Variants in CNBD1 observed in about 807,000 individuals in gnomAD.
CNBD1 encodes cyclic nucleotide binding domain containing 1, also known as cyclic nucleotide-binding domain-containing protein 1.
In CNBD1, 71 loss-of-function variants were observed where a neutral mutation model predicts 54.4. The observed-to-expected ratio is 1.30, with a 90% CI of 1.08 to 1.59. CNBD1 has a LOEUF of 1.59. Among genes scored for constraint, CNBD1 ranks in the 40% most tolerant of loss-of-function variants. CNBD1 has a pLI of 0.00. For synonymous variants in CNBD1, 182 were observed against 170.7 expected (o/e 1.07, Z -0.51); for missense variants, 659 against 518.0 (o/e 1.27, Z -2.64).
intron 4 of CNBD1, among the ~76,000 whole-genome samples, chr8:87,204,830 T>C (rs1813935867): frequency 6.6e-6 from 1 of 152,194 alleles, no homozygotes; most frequent in Non-Finnish European, 1.5e-5. Flanking sequence ...TTGGTTATGA[T>C]ATCATGCCAT....
Position 87,349,909 on chromosome 8 carries a change from G to A in CNBD1, c.1043-1776G>A, listed in dbSNP as rs1050015040. ...TTCAACACAAAGAAAAATTCCTGTGGCCTTATTCCTCTTTGTTGTTATATA... is the reference window on the plus strand; with the variant it reads ...TTCAACACAAAGAAAAATTCCTGTGACCTTATTCCTCTTTGTTGTTATATA... On this transcript the variant is annotated intron_variant, in intron 8 of 10. Coordinates refer to ENST00000518476, the MANE Select transcript of CNBD1 (RefSeq NM_173538.3). Among the ~76,000 whole-genome samples the A allele has an allele frequency of 1.2e-4, 19 of 152,066 alleles. No individual in the cohort carries two copies. The East Asian group carries it at 1.5e-3, about 12-fold the overall frequency.
In CNBD1 at chr8:87,422,923, G is replaced by T. The variant is rs868527123; in HGVS notation, c.214-5623G>T. Among the ~76,000 whole-genome samples, 48 of 151,320 alleles carry T rather than the reference G, an allele frequency of 3.2e-4. No individual in the cohort carries two copies. In the East Asian group the frequency reaches 8.3e-3, roughly 26 times the overall value. On this transcript the variant is annotated intron_variant, in intron 2 of 7. Coordinates refer to the CNBD1 transcript ENST00000521593. ...ACCCATGAGCATGGAATGTTCTTCC[G>T]TTTGTTTGTATCCTCTTTTATTTCC...
intron 4 of CNBD1, among the ~76,000 whole-genome samples, chr8:86,957,360 G>T (rs1028539037): frequency 1.7e-4 from 26 of 152,262 alleles, no homozygotes; most frequent in African/African-American, 6.0e-4. Flanking sequence ...AGTTAGGGAG[G>T]ATTCCCTCTT....
chr8:87,149,359 G>A (rs72665043), intron 4 of CNBD1, among the ~76,000 whole-genome samples: 2 of 151,904 alleles, frequency 1.3e-5, no homozygotes, highest in Non-Finnish European at 2.9e-5. Context: ...CATTTTTTTC[G>A]AGATGAAGGG....
chr8:87,169,920 AT>A (rs936347668), intron 4 of CNBD1, among the ~76,000 whole-genome samples: 6 of 152,072 alleles, frequency 3.9e-5, no homozygotes, highest in Admixed American at 3.3e-4. Context: ...AAATTTAAGA[AT>A]TGTTTTTCCT....
At chr8:87,204,290 T>A (rs1293323111) in intron 4 of CNBD1, among the ~76,000 whole-genome samples, 1 of 152,230 alleles carries the variant, frequency 6.6e-6, no homozygotes, top group Non-Finnish European at 1.5e-5. Flanking sequence ...TTAAGTTGTT[T>A]CTAATTTCTG....
chr8:87,223,412 T>C (rs865952950), intron 5 of CNBD1, among the ~76,000 whole-genome samples: 3 of 127,526 alleles, frequency 2.4e-5, no homozygotes, highest in Non-Finnish European at 3.3e-5. Context: ...CCACAACAGT[T>C]CCCAGAGTGT....
intron 6 of CNBD1, among the ~76,000 whole-genome samples, chr8:87,243,033 T>C (rs946718327): frequency 1.3e-5 from 2 of 152,196 alleles, no homozygotes; most frequent in South Asian, 2.1e-4. Context: ...TTTGAACAAA[T>C]TAATCACTAA....
intron 5 of CNBD1, among the ~76,000 whole-genome samples, chr8:87,215,616 G>C (rs1814193654): frequency 6.6e-6 from 1 of 150,920 alleles, no homozygotes; most frequent in Non-Finnish European, 1.5e-5. Context: ...AGTTTCTTTT[G>C]GGAATGATAA....
chr8:87,392,070 T>C (rs1437578017), intron 2 of CNBD1, among the ~76,000 whole-genome samples: 1 of 152,082 alleles, frequency 6.6e-6, no homozygotes, highest in African/African-American at 2.4e-5. Flanking sequence ...CTTTCACTAG[T>C]TATTAGGAAG....
At chr8:86,943,332 A>G (rs1455620272) in intron 4 of CNBD1, among the ~76,000 whole-genome samples, 1 of 139,104 alleles carries the variant, frequency 7.2e-6, no homozygotes, top group Non-Finnish European at 1.5e-5. Flanking sequence ...GGGCCACTGC[A>G]CTCCAGCCTG....
intron 6 of CNBD1, among the ~76,000 whole-genome samples, chr8:87,271,666 A>G (rs1229586021): frequency 1.3e-5 from 2 of 152,024 alleles, no homozygotes; most frequent in African/African-American, 4.8e-5. Flanking sequence ...GAGAATGTAA[A>G]TTAGTATAGC....
At position 87,001,419 on chromosome 8, in the gene CNBD1, C is replaced by G. The variant is rs1479355763; in HGVS notation, c.431+61665C>G. On this transcript the variant is annotated intron_variant, in intron 4 of 10. Transcript: ENST00000518476. The stretch of plus-strand genomic sequence containing the variant: ...GGAAGAGGATATGTGCCTCTACACT[C>G]TCTAGATAAGTTACTGTTTCTTTTC... Among the ~76,000 whole-genome samples, 3 of 152,074 alleles carry G rather than the reference C, an allele frequency of 2.0e-5. No homozygotes were observed. In the East Asian group the frequency reaches 5.8e-4, roughly 29 times the overall value.
intron 10 of CNBD1, among the ~76,000 whole-genome samples, chr8:87,361,610 A>T (rs546828515): frequency 6.6e-6 from 1 of 151,516 alleles, no homozygotes; most frequent in South Asian, 2.1e-4. Context: ...TAGGAAATTT[A>T]CTCAAAGTAT....
At chr8:86,985,284 C>T (rs572724610) in intron 4 of CNBD1, among the ~76,000 whole-genome samples, 15 of 152,176 alleles carry the variant, frequency 9.9e-5, no homozygotes, top group African/African-American at 3.4e-4. Context: ...ATGTCTTTGT[C>T]AGCAGTGTGA....
At chr8:86,996,321 G>T (rs757227713) in intron 4 of CNBD1, among the ~76,000 whole-genome samples, 1 of 152,116 alleles carries the variant, frequency 6.6e-6, no homozygotes, top group African/African-American at 2.4e-5. Context: ...AGAAATCATT[G>T]CTTCCTATAA....
chr8:87,308,618 C>T (rs1809203673), intron 8 of CNBD1, among the ~76,000 whole-genome samples: 1 of 152,124 alleles, frequency 6.6e-6, no homozygotes, highest in Admixed American at 6.6e-5. Flanking sequence ...TCTCTTCCAG[C>T]TATTTTGAAA....
At chr8:86,921,343 G>GTT (rs113989229) in intron 3 of CNBD1, among the ~76,000 whole-genome samples, 3 of 150,310 alleles carry the variant, frequency 2.0e-5, no homozygotes, top group Admixed American at 6.6e-5. Context: ...TGCTCCTTGT[G>GTT]TTTTTTTTTA....
At chr8:87,028,786 G>T (rs1393287495) in intron 4 of CNBD1, among the ~76,000 whole-genome samples, 1 of 152,160 alleles carries the variant, frequency 6.6e-6, no homozygotes, top group African/African-American at 2.4e-5. Flanking sequence ...AAGGAACTCA[G>T]ATAAAACAAA....
Sources: allele counts gnomAD v4.1 joint callset (sites outside exome capture counted in the v4.1 genomes callset), GRCh38; gene constraint gnomAD v4.1.1; transcripts MANE v1.5; gene names NCBI Gene and HGNC (gene_info 2026-07-23, HGNC 2026-07-21).